DCLK2: variants seen among roughly 807,000 people sequenced by gnomAD.
The protein encoded by DCLK2 is doublecortin like kinase 2, also known as serine/threonine-protein kinase DCLK2.
A neutral mutation model predicts 78.4 loss-of-function variants in DCLK2; 31 were observed. The ratio of observed to expected loss-of-function variants is 0.40; its 90% CI spans 0.30 to 0.53. DCLK2 has a LOEUF of 0.53. Ranked by LOEUF, DCLK2 falls within the 20% of genes least tolerant of loss-of-function variation. DCLK2 has a pLI of 0.61. For missense variants in DCLK2, 872 were observed against 973.7 expected, an observed-to-expected ratio of 0.90 and a Z score of 1.39; for synonymous variants, 407 against 374.9, an observed-to-expected ratio of 1.09 and a Z score of -0.99.
At chr4:150,239,508 G>A (rs745635218) in intron 10 of DCLK2, among the ~76,000 whole-genome samples, 11 of 152,048 alleles carry the variant, frequency 7.2e-5, no homozygotes, top group African/African-American at 1.2e-4. Flanking sequence ...GTTCCGTGGG[G>A]GAAGGATTAC....
intron 10 of DCLK2, among the ~76,000 whole-genome samples, chr4:150,239,440 A>T (rs919530190): frequency 1.3e-5 from 2 of 152,084 alleles, no homozygotes; most frequent in African/African-American, 4.8e-5. Context: ...TCTACAAAAA[A>T]TAAAGAAATT....
At chr4:150,204,962 C>T (rs1739742051) in intron 5 of DCLK2, among the ~76,000 whole-genome samples, 2 of 151,648 alleles carry the variant, frequency 1.3e-5, no homozygotes, top group Non-Finnish European at 2.9e-5. Flanking sequence ...TCTGAGAATA[C>T]TGATGTATAC....
intron 5 of DCLK2, among the ~76,000 whole-genome samples, chr4:150,204,307 A>G (rs1739678518): frequency 6.6e-6 from 1 of 152,228 alleles, no homozygotes; most frequent in Non-Finnish European, 1.5e-5. Flanking sequence ...GCCTAAAATG[A>G]AGTGAAATAC....
At chr4:150,102,967 G>C (rs967918179) in intron 2 of DCLK2, among the ~76,000 whole-genome samples, 155 bp downstream of exon 2, 5 of 146,658 alleles carry the variant, frequency 3.4e-5, no homozygotes, top group African/African-American at 1.3e-4. Flanking sequence ...GTGTGTGTGT[G>C]TATGTATGTA....
At chr4:150,123,926 G>T (rs1400398267) in intron 2 of DCLK2, among the ~76,000 whole-genome samples, 1 of 151,900 alleles carries the variant, frequency 6.6e-6, no homozygotes, top group African/African-American at 2.4e-5. Context: ...TGTAGTCCCA[G>T]CTACTCGGGT....
chr4:150,104,692 G>A (rs912741960), intron 2 of DCLK2, among the ~76,000 whole-genome samples: 11 of 151,902 alleles, frequency 7.2e-5, no homozygotes, highest in Non-Finnish European at 1.3e-4. Flanking sequence ...ATCCCAAACA[G>A]ATGTTGCAAA....
intron 2 of DCLK2, among the ~76,000 whole-genome samples, chr4:150,182,958 TTC>T (rs967011867): frequency 2.0e-5 from 3 of 151,344 alleles, no homozygotes; most frequent in Non-Finnish European, 3.0e-5. Context: ...GGGATTTTTG[TTC>T]TCTCTCTCTC....
chr4:150,104,731 T>C (rs973120316), intron 2 of DCLK2, among the ~76,000 whole-genome samples: 1 of 151,714 alleles, frequency 6.6e-6, no homozygotes, highest in Admixed American at 6.6e-5. Flanking sequence ...CTATATTCAG[T>C]TAAATATTTA....
chr4:150,223,481 C>T (rs946226893), intron 7 of DCLK2, among the ~76,000 whole-genome samples: 23 of 152,178 alleles, frequency 1.5e-4, no homozygotes, highest in Admixed American at 4.6e-4. Flanking sequence ...CAGTGGCTCA[C>T]GCCTGTAATC....
Position 150,078,873 on chromosome 4 carries a change from C to G in DCLK2, c.-155C>G. 1 of 994,772 alleles carries G rather than the reference C, an allele frequency of 1.0e-6. No homozygotes were observed. The highest frequency in any genetic ancestry group is 3.1e-5 in the East Asian group (1 of 32,112). 61.6% of individuals were successfully genotyped at this position (994,772 alleles called of 1,614,324 possible). ...GGGCGCGGGCGGGTCGGCTCCTCCG[C>G]GGCTCCTCGGCCCCACCTGCGCGGA... is the stretch of plus-strand genomic sequence containing the variant. On this transcript the variant is annotated 5_prime_UTR_variant, in exon 1 of 16. Coordinates refer to ENST00000296550, the MANE Select transcript of DCLK2 (RefSeq NM_001040260.4).
rs1227235320 is a variant in DCLK2 at position 150,078,706 on chromosome 4, C to T, written c.-322C>T. ...GCCCAACTTTGCCTCTCCCGGTCGG[C>T]TCCCGAGCGGGACTTGTGAGGCGTG... On this transcript the variant is annotated 5_prime_UTR_variant, in exon 1 of 16. Transcript: ENST00000296550. 4.8e-6 allele frequency: 1 copy of T among 209,856 alleles called. No individual in the cohort carries two copies. The highest frequency in any genetic ancestry group is 9.4e-6 in the Non-Finnish European group (1 of 106,066). The allele number at this position is 209,856 out of a possible 1,614,324, so 13.0% of individuals were successfully genotyped here.
At chr4:150,224,025 A>G (rs939576922) in intron 7 of DCLK2, among the ~76,000 whole-genome samples, 1 of 152,124 alleles carries the variant, frequency 6.6e-6, no homozygotes, top group Admixed American at 6.5e-5. Context: ...TAAGAGAACT[A>G]TTTTGAGATT....
At chr4:150,228,856 C>T (rs1741813216) in intron 8 of DCLK2, among the ~76,000 whole-genome samples, 1 of 151,370 alleles carries the variant, frequency 6.6e-6, no homozygotes, top group Non-Finnish European at 1.5e-5. Context: ...GAAACCCCGT[C>T]TCTACTAAAA....
intron 10 of DCLK2, among the ~76,000 whole-genome samples, chr4:150,237,060 G>A (rs1742562670): frequency 6.6e-6 from 1 of 151,480 alleles, no homozygotes; most frequent in African/African-American, 2.4e-5. Flanking sequence ...TACCTAATGA[G>A]TATATTTTTA....
At chr4:150,102,442 A>G (rs780688255) in intron 1 of DCLK2, 36 bp from the exon 2 acceptor site, 1 of 1,589,036 alleles carries the variant, frequency 6.3e-7, no homozygotes, top group Admixed American at 1.7e-5. Flanking sequence ...TATGATAGAG[A>G]TAATCATGCT....
chr4:150,106,250 G>A (rs1731245610), intron 2 of DCLK2, among the ~76,000 whole-genome samples: 2 of 152,100 alleles, frequency 1.3e-5, no homozygotes, highest in African/African-American at 4.8e-5. Context: ...AAAACTTCAA[G>A]TCTGTTTTTG....
At chr4:150,134,800 AT>A in intron 2 of DCLK2, among the ~76,000 whole-genome samples, 1 of 152,254 alleles carries the variant, frequency 6.6e-6, no homozygotes, top group South Asian at 2.1e-4. Context: ...TATTCTTGCC[AT>A]AGTTCCCCAA....
rs1295721189 is a variant in DCLK2 at position 150,078,711 on chromosome 4, G to C, written c.-317G>C. ...ACTTTGCCTCTCCCGGTCGGCTCCC[G>C]AGCGGGACTTGTGAGGCGTGGCCGG... is the stretch of plus-strand genomic sequence containing the variant. On this transcript the variant is annotated 5_prime_UTR_variant, in exon 1 of 16. Coordinates refer to ENST00000296550, the MANE Select transcript of DCLK2 (RefSeq NM_001040260.4). 3.2e-5 allele frequency: 7 copies of C among 218,698 alleles called. No individual in the cohort carries two copies. The highest frequency in any genetic ancestry group is 5.4e-5 in the Non-Finnish European group (6 of 111,766). 13.5% of individuals were successfully genotyped at this position (218,698 alleles called of 1,614,324 possible).
intron 2 of DCLK2, among the ~76,000 whole-genome samples, chr4:150,172,760 T>TTTGGG (rs762854376): frequency 6.4e-5 from 8 of 125,002 alleles, no homozygotes; most frequent in Non-Finnish European, 1.0e-4. Context: ...TTTTTTTTTT[T>TTTGGG]GGGGGGGGGG....
Sources: gnomAD v4.1 joint callset for allele counts (sites outside exome capture counted in the v4.1 genomes callset) on GRCh38, gnomAD v4.1.1 for gene constraint, MANE v1.5 for transcripts, NCBI Gene and HGNC (gene_info 2026-07-23, HGNC 2026-07-21) for gene names.